Variants in KIF16B observed in about 807,000 individuals in gnomAD.
KIF16B encodes kinesin-like protein KIF16B.
KIF16B carries 98 observed loss-of-function variants against 156.3 expected under a neutral mutation model. The ratio of observed to expected loss-of-function variants is 0.63; its 90% confidence interval spans 0.53 to 0.74. KIF16B has a LOEUF of 0.74. Among genes scored for constraint, KIF16B ranks in the 30% least tolerant of loss-of-function variants. KIF16B has a pLI of 0.00. For synonymous variants in KIF16B, 564 were observed against 583.7 expected, an observed-to-expected ratio of 0.97 and a Z score of 0.49; for missense variants, 1,421 against 1,606.5, an observed-to-expected ratio of 0.88 and a Z score of 1.97.
chr20:16,504,517 T>C lies in KIF16B; in HGVS notation c.1031A>G (p.Glu344Gly). 6.2e-7 allele frequency: 1 copy of C among 1,613,812 alleles called. No homozygotes were observed. The highest frequency in any genetic ancestry group is 8.5e-7 in the Non-Finnish European group (1 of 1,179,836). The change falls in exon 10 of 26, where the codon GAA becomes GGA. Residue 344 changes from glutamate to glycine, a missense_variant. Transcript: ENST00000354981. ...TISPADVNYGETLSTLRYANR... is the reference protein window; with the variant it reads ...TISPADVNYGGTLSTLRYANR... Reference sequence around the variant, plus strand: ...TGCATAGCGAAGAGTACTTAGGGTTTCTCCATAATTGACATCAGCAGGTGA... The same window carrying C: ...TGCATAGCGAAGAGTACTTAGGGTTCCTCCATAATTGACATCAGCAGGTGA...
chr20:16,273,820 C>T (rs765118531), intron 25 of KIF16B, among the ~76,000 whole-genome samples: 30 of 152,272 alleles, frequency 2.0e-4, no homozygotes, highest in Non-Finnish European at 1.0e-4. Flanking sequence ...GGAATGCCCT[C>T]CACTGTCCCA....
Position 16,504,390 on chromosome 20 carries a change from C to A in KIF16B, c.1158G>T (p.Leu386=). The change falls in exon 10 of 26, where the codon CTG becomes CTT. Residue 386 remains leucine (L), a synonymous_variant. Transcript: ENST00000354981. The part of the protein sequence containing the change: ...LRAEIARLKT[L]LAQGNQIALL... ...ACCCAACCTGATTCCCTTGAGCAAG[C>A]AGCGTTTTCAGTCTGGCTATTTCAG... 1 of 1,614,006 alleles carries A rather than the reference C, an allele frequency of 6.2e-7. No homozygotes were observed. Among genetic ancestry groups the A allele is most frequent in the Non-Finnish European group, 8.5e-7 (1 of 1,179,940 alleles).
At chr20:16,472,246 A>T (rs1337070149) in intron 12 of KIF16B, among the ~76,000 whole-genome samples, 4 of 152,200 alleles carry the variant, frequency 2.6e-5, no homozygotes, top group Admixed American at 6.5e-5. Flanking sequence ...GCAGGGCCTA[A>T]AATATTTACT....
intron 12 of KIF16B, among the ~76,000 whole-genome samples, chr20:16,488,070 A>G (rs372747568): frequency 2.1e-4 from 32 of 152,322 alleles, no homozygotes; most frequent in African/African-American, 7.5e-4. Context: ...GCCACACCAC[A>G]GTCAAAAGCC....
At chr20:16,318,174 G>A (rs1299219792) in intron 24 of KIF16B, among the ~76,000 whole-genome samples, 2 of 151,906 alleles carry the variant, frequency 1.3e-5, no homozygotes, top group South Asian at 2.1e-4. Context: ...CCTTAAAGAT[G>A]AGAAATAATT....
At chr20:16,431,848 T>C (rs1290748531) in intron 12 of KIF16B, among the ~76,000 whole-genome samples, 4 of 150,490 alleles carry the variant, frequency 2.7e-5, no homozygotes, top group Non-Finnish European at 5.9e-5. Context: ...TCCTTGGGAA[T>C]GGCTATTAGT....
chr20:16,310,434 A>G (rs1471053861), intron 25 of KIF16B, among the ~76,000 whole-genome samples: 2 of 152,356 alleles, frequency 1.3e-5, no homozygotes, highest in African/African-American at 4.8e-5. Flanking sequence ...AAGGGTACCC[A>G]GTGCTGTGCT....
At chr20:16,561,292 T>C (rs1019572338) in intron 1 of KIF16B, among the ~76,000 whole-genome samples, 1 of 151,902 alleles carries the variant, frequency 6.6e-6, no homozygotes, top group Non-Finnish European at 1.5e-5. Flanking sequence ...AGACTCTGTC[T>C]CAAAAAAAAG....
chr20:16,280,867 T>TGTGTGTGTGTGTGTGTGTGTGTGCGC (rs758721339), intron 25 of KIF16B, among the ~76,000 whole-genome samples: 2 of 150,788 alleles, frequency 1.3e-5, no homozygotes, highest in African/African-American at 4.9e-5. Flanking sequence ...TGTGTGTGTG[T>TGTGTGTGTGTGTGTGTGTGTGTGCGC]GCGCAGAAAA....
intron 1 of KIF16B, among the ~76,000 whole-genome samples, chr20:16,555,638 A>G (rs969291105): frequency 3.9e-5 from 6 of 152,248 alleles, no homozygotes; most frequent in Non-Finnish European, 7.3e-5. Flanking sequence ...ATAAATACAA[A>G]TATGCTTCAA....
intron 19 of KIF16B, 60 bp downstream of exon 19, chr20:16,378,745 T>A (rs1390319713): frequency 6.8e-7 from 1 of 1,460,264 alleles, no homozygotes. Context: ...ACATGAGGAG[T>A]GAAAAATGAG....
intron 12 of KIF16B, among the ~76,000 whole-genome samples, chr20:16,478,412 A>T (rs1187955237): frequency 6.6e-6 from 1 of 152,184 alleles, no homozygotes; most frequent in Non-Finnish European, 1.5e-5. Context: ...CTAAAGCTAA[A>T]CATGTAATAG....
At chr20:16,476,307 T>G (rs1308203103) in intron 12 of KIF16B, among the ~76,000 whole-genome samples, 1 of 152,246 alleles carries the variant, frequency 6.6e-6, no homozygotes, top group African/African-American at 2.4e-5. Context: ...GTCAATTGTA[T>G]TATACTCCAA....
At chr20:16,547,131 G>A (rs1287677961) in intron 1 of KIF16B, among the ~76,000 whole-genome samples, 1 of 152,138 alleles carries the variant, frequency 6.6e-6, no homozygotes, top group Non-Finnish European at 1.5e-5. Flanking sequence ...ACGACATACA[G>A]ACTGTCCCAC....
chr20:16,390,273 G>GT, intron 17 of KIF16B, among the ~76,000 whole-genome samples: 1 of 152,226 alleles, frequency 6.6e-6, no homozygotes, highest in African/African-American at 2.4e-5. Context: ...AAAAGGATTG[G>GT]TTTTTTAAAA....
At chr20:16,394,104 T>C (rs1468063376) in intron 17 of KIF16B, among the ~76,000 whole-genome samples, 1 of 152,212 alleles carries the variant, frequency 6.6e-6, no homozygotes, top group African/African-American at 2.4e-5. Context: ...TGCCTGTAAC[T>C]GCCATTCATC....
At chr20:16,550,629 G>A (rs1272120940) in intron 1 of KIF16B, among the ~76,000 whole-genome samples, 1 of 145,538 alleles carries the variant, frequency 6.9e-6, no homozygotes, top group Non-Finnish European at 1.5e-5. Context: ...ACCTCCCTAA[G>A]CTCAGATGAT....
chr20:16,406,189 C>T (rs1327056668), intron 16 of KIF16B, among the ~76,000 whole-genome samples, 185 bp downstream of exon 16: 1 of 152,134 alleles, frequency 6.6e-6, no homozygotes, highest in African/African-American at 2.4e-5. Context: ...TACTTGCTTG[C>T]TCTCTTACTT....
intron 25 of KIF16B, among the ~76,000 whole-genome samples, chr20:16,301,691 T>C (rs2063473710): frequency 6.6e-6 from 1 of 152,204 alleles, no homozygotes; most frequent in Admixed American, 6.5e-5. Flanking sequence ...AGTCTCACTC[T>C]GTTGCCCAGG....
Sources: gnomAD v4.1 joint callset for allele counts (sites outside exome capture counted in the v4.1 genomes callset) on GRCh38, gnomAD v4.1.1 for gene constraint, MANE v1.5 for transcripts, NCBI Gene and HGNC (gene_info 2026-07-23, HGNC 2026-07-21) for gene names.